The following GTF2IRD2B variants were observed in gnomAD, a reference collection of about 807,000 sequenced individuals.
GTF2IRD2B encodes the protein general transcription factor II-I repeat domain-containing protein 2B.
Under a neutral mutation model 55.6 loss-of-function variants are expected in GTF2IRD2B, and 10 were observed. The observed-to-expected ratio is 0.18, with a 90% confidence interval of 0.11 to 0.31. GTF2IRD2B has a LOEUF of 0.31. GTF2IRD2B is among the 10% of genes least tolerant of loss of function. The pLI is 1.00. For missense variants in GTF2IRD2B, 206 were observed against 802.7 expected (o/e 0.26, Z 8.98); for synonymous variants, 107 against 320.5 (o/e 0.33, Z 7.12).
At chr7:75,121,693 A>G (rs1554451966) in intron 4 of GTF2IRD2B, among the ~76,000 whole-genome samples, 3 of 150,198 alleles carry the variant, frequency 2.0e-5, no homozygotes, top group African/African-American at 7.3e-5. Flanking sequence ...TCCTGACCTC[A>G]GGTGATCCTC....
intron 8 of GTF2IRD2B, among the ~76,000 whole-genome samples, chr7:75,126,810 A>G (rs1436254256): frequency 6.6e-6 from 1 of 150,666 alleles, no homozygotes; most frequent in Non-Finnish European, 1.5e-5. Flanking sequence ...CATCCTGGCC[A>G]ACGTAGTAAA....
intron 1 of GTF2IRD2B, among the ~76,000 whole-genome samples, chr7:75,097,000 A>C (rs1807399906): frequency 1.2e-5 from 1 of 81,722 alleles, no homozygotes; most frequent in African/African-American, 7.3e-5. Context: ...ACAACAACAA[A>C]AAATTAGCTG....
intron 1 of GTF2IRD2B, among the ~76,000 whole-genome samples, chr7:75,106,135 G>A (rs1584526353): frequency 6.6e-6 from 1 of 152,310 alleles, no homozygotes; most frequent in East Asian, 1.9e-4. Context: ...GGGCTCAGTG[G>A]CTCACGCCTG....
chr7:75,117,768 C>A (rs1330766477), intron 3 of GTF2IRD2B, among the ~76,000 whole-genome samples: 15 of 152,382 alleles, frequency 9.8e-5, no homozygotes, highest in African/African-American at 2.6e-4. Flanking sequence ...GGCCTTTTTT[C>A]TTTTTTATTA....
At chr7:75,109,194 GC>G in intron 2 of GTF2IRD2B, 131 bp downstream of exon 2, 1 of 627,010 alleles carries the variant, frequency 1.6e-6, no homozygotes, top group Non-Finnish European at 2.6e-6. Context: ...TCACTCTGTC[GC>G]CCAGGCTGGA....
intron 15 of GTF2IRD2B, among the ~76,000 whole-genome samples, chr7:75,145,586 A>T (rs1809119883): frequency 6.8e-6 from 1 of 147,676 alleles, no homozygotes; most frequent in African/African-American, 2.5e-5. Context: ...TACAAAAATT[A>T]GCCGGGCATG....
intron 12 of GTF2IRD2B, among the ~76,000 whole-genome samples, chr7:75,140,349 T>TCAAAA (rs1160143345): frequency 8.4e-5 from 1 of 11,878 alleles, no homozygotes; most frequent in African/African-American, 4.3e-4. Context: ...AAACTCAGCC[T>TCAAAA]CAAAACAAAA....
chr7:75,135,677 AT>A (rs1808815800), intron 10 of GTF2IRD2B, among the ~76,000 whole-genome samples: 1 of 65,004 alleles, frequency 1.5e-5, no homozygotes, highest in Non-Finnish European at 2.8e-5. Context: ...TGTCTTTTGG[AT>A]GGCATGACAT....
chr7:75,118,508 C>T (rs1223403056), intron 3 of GTF2IRD2B, among the ~76,000 whole-genome samples: 8 of 151,516 alleles, frequency 5.3e-5, no homozygotes, highest in Non-Finnish European at 8.8e-5. Flanking sequence ...GGGTCCCCTG[C>T]CTTAGCCCAG....
intron 1 of GTF2IRD2B, among the ~76,000 whole-genome samples, chr7:75,096,474 G>A (rs1327891941): frequency 1.5e-5 from 1 of 66,572 alleles, no homozygotes; most frequent in Non-Finnish European, 2.8e-5. Context: ...CCAGGCTGGA[G>A]TGCAATGGCA....
Position 75,123,618 on chromosome 7 carries a change from G to A in GTF2IRD2B, c.571+102G>A, listed in dbSNP as rs1427357209. The A allele has an allele frequency of 4.1e-5, 23 of 557,200 alleles. No homozygotes were observed. In the East Asian group the frequency reaches 7.0e-4, roughly 17 times the overall value. The allele number at this position is 557,200 out of a possible 1,614,324, so 34.5% of individuals were successfully genotyped here. On this transcript the variant is annotated intron_variant, in intron 6 of 15. Coordinates refer to ENST00000472837, the MANE Select transcript of GTF2IRD2B (RefSeq NM_001003795.3). ...GGGCCGGGCGTGATGGCTCACACCT[G>A]TAATCCCAGCACTTTGGGAGGCTGA...
At chr7:75,109,219 A>G (rs1807887130) in intron 2 of GTF2IRD2B, among the ~76,000 whole-genome samples, 156 bp downstream of exon 2, 2 of 144,190 alleles carry the variant, frequency 1.4e-5, no homozygotes, top group African/African-American at 4.9e-5. Context: ...CAGTGGCACA[A>G]TCTCAGCTCA....
intron 1 of GTF2IRD2B, among the ~76,000 whole-genome samples, chr7:75,107,313 C>G (rs1441507338): frequency 1.5e-3 from 230 of 152,224 alleles, no homozygotes; most frequent in African/African-American, 5.0e-3. Flanking sequence ...CGGTGGCTCA[C>G]GCCTGTAATC....
intron 8 of GTF2IRD2B, among the ~76,000 whole-genome samples, chr7:75,132,599 A>G (rs1243908237): frequency 2.0e-5 from 2 of 99,082 alleles, no homozygotes; most frequent in African/African-American, 9.6e-5. Flanking sequence ...TTTGTCAACC[A>G]GCTGGAGTGC....
At chr7:75,096,447 A>G (rs1483616792) in intron 1 of GTF2IRD2B, among the ~76,000 whole-genome samples, 17 of 20,516 alleles carry the variant, frequency 8.3e-4, no homozygotes, top group Admixed American at 1.0e-3. Flanking sequence ...TTTGAGATGG[A>G]GTTTCGTTCT....
At chr7:75,137,663 ACCTGTAGTC>A (rs1554453650) in intron 11 of GTF2IRD2B, among the ~76,000 whole-genome samples, 1 of 143,556 alleles carries the variant, frequency 7.0e-6, no homozygotes, top group South Asian at 2.2e-4. Context: ...GGTGGCACAC[ACCTGTAGTC>A]CCAGCTATTC....
In GTF2IRD2B at chr7:75,123,279, A is replaced by G. The variant is rs782176762; in HGVS notation, c.502A>G (p.Ile168Val). Residue 168 changes from isoleucine (I) to valine (V), a missense_variant, in exon 5 of 16, where the codon ATT (isoleucine) becomes GTT (valine). Physicochemically the swap from Ile to Val is conservative, Grantham distance 29. Transcript: ENST00000472837. ...TTACGACCTTGCAACCCTGAAATGGATTTTGGAGAACAAAGCAGGGATTTC... is the reference window on the plus strand; with the variant it reads ...TTACGACCTTGCAACCCTGAAATGGGTTTTGGAGAACAAAGCAGGGATTTC... ...ENYDLATLKWILENKAGISFI... is the reference protein window; with the variant it reads ...ENYDLATLKWVLENKAGISFI... 7 of 1,259,288 alleles carry G rather than the reference A, an allele frequency of 5.6e-6. No individual in the cohort carries two copies. The South Asian group carries it at 8.2e-5, about 15-fold the overall frequency. The allele number at this position is 1,259,288 out of a possible 1,614,324, so 78.0% of individuals were successfully genotyped here.
At chr7:75,103,657 C>T (rs1807656779) in intron 1 of GTF2IRD2B, among the ~76,000 whole-genome samples, 1 of 151,704 alleles carries the variant, frequency 6.6e-6, no homozygotes, top group Admixed American at 6.6e-5. Flanking sequence ...GAGCAGGAAG[C>T]ACAGAGAAGG....
intron 4 of GTF2IRD2B, among the ~76,000 whole-genome samples, chr7:75,122,223 T>C (rs1387260285): frequency 7.1e-6 from 1 of 140,226 alleles, no homozygotes; most frequent in Non-Finnish European, 1.5e-5. Flanking sequence ...ACAGTCAATG[T>C]TGGCTCAGTC....
Sources: allele counts gnomAD v4.1 joint callset (sites outside exome capture counted in the v4.1 genomes callset), GRCh38; gene constraint gnomAD v4.1.1; transcripts MANE v1.5; gene names NCBI Gene and HGNC (gene_info 2026-07-23, HGNC 2026-07-21).